DIAPH3: variants seen among roughly 807,000 people sequenced by gnomAD.
The protein encoded by DIAPH3 is diaphanous related formin 3.
Under a neutral mutation model 144.3 loss-of-function variants are expected in DIAPH3, and 117 were observed. The observed-to-expected ratio is 0.81, with a 90% CI of 0.70 to 0.95. DIAPH3 has a LOEUF of 0.95. Ranked by LOEUF, DIAPH3 falls within the 40% of genes least tolerant of loss-of-function variation. DIAPH3 has a pLI of 0.00. For missense variants in DIAPH3, 1,421 were observed against 1,412.7 expected, an observed-to-expected ratio of 1.01 and a Z score of -0.09; for synonymous variants, 519 against 488.9, an observed-to-expected ratio of 1.06 and a Z score of -0.81.
intron 17 of DIAPH3, among the ~76,000 whole-genome samples, chr13:59,938,237 A>T (rs1197311632): frequency 6.6e-6 from 1 of 152,130 alleles, no homozygotes; most frequent in East Asian, 1.9e-4. Context: ...AATTTTTATT[A>T]ATCTGGGCTG....
intron 23 of DIAPH3, among the ~76,000 whole-genome samples, chr13:59,834,832 A>G (rs749604793): frequency 2.0e-5 from 3 of 151,724 alleles, no homozygotes; most frequent in Non-Finnish European, 3.0e-5. Context: ...GTTTTGGGAA[A>G]TCTATTTTGT....
intron 4 of DIAPH3, among the ~76,000 whole-genome samples, chr13:60,052,959 T>TAAAAAAAAAAAAAAAAAA (rs559991017): frequency 4.7e-4 from 19 of 40,632 alleles, no homozygotes; most frequent in Non-Finnish European, 5.2e-4. Flanking sequence ...GACTCCCTCT[T>TAAAAAAAAAAAAAAAAAA]AAAAAAAAAA....
chr13:59,847,484 A>G (rs1213634210), intron 22 of DIAPH3, among the ~76,000 whole-genome samples: 1 of 152,210 alleles, frequency 6.6e-6, no homozygotes, highest in Non-Finnish European at 1.5e-5. Context: ...GCAGCCTTTT[A>G]GAAGAGAAAG....
chr13:60,089,197 A>G, intron 4 of DIAPH3, among the ~76,000 whole-genome samples: 1 of 152,148 alleles, frequency 6.6e-6, no homozygotes, highest in African/African-American at 2.4e-5. Context: ...ATGATGCACC[A>G]TCCCAAAGAG....
At chr13:59,711,886 G>A (rs2034766472) in intron 27 of DIAPH3, among the ~76,000 whole-genome samples, 1 of 152,178 alleles carries the variant, frequency 6.6e-6, no homozygotes, top group Admixed American at 6.5e-5. Flanking sequence ...ATGGCTCAAT[G>A]GACAAAGGAT....
intron 24 of DIAPH3, among the ~76,000 whole-genome samples, chr13:59,830,717 C>A (rs2041729088): frequency 6.6e-6 from 1 of 151,662 alleles, no homozygotes; most frequent in Non-Finnish European, 1.5e-5. Flanking sequence ...CTGCTGTGTC[C>A]AACAGGACTA....
At chr13:59,918,961 A>G (rs1476959759) in intron 18 of DIAPH3, among the ~76,000 whole-genome samples, 1 of 149,026 alleles carries the variant, frequency 6.7e-6, no homozygotes, top group Non-Finnish European at 1.5e-5. Flanking sequence ...AAAAAAAAAA[A>G]ATCAGTATTT....
At chr13:60,053,217 G>A (rs181246265) in intron 4 of DIAPH3, among the ~76,000 whole-genome samples, 3 of 152,040 alleles carry the variant, frequency 2.0e-5, no homozygotes, top group Non-Finnish European at 4.4e-5. Flanking sequence ...CAAAGGAAGA[G>A]GGAAGTACGG....
At chr13:59,772,311 A>G (rs958910518) in intron 27 of DIAPH3, among the ~76,000 whole-genome samples, 6 of 152,082 alleles carry the variant, frequency 3.9e-5, no homozygotes, top group African/African-American at 1.4e-4. Flanking sequence ...GGTCATTTGG[A>G]TTTCTTTCTA....
intron 8 of DIAPH3, among the ~76,000 whole-genome samples, chr13:60,009,789 C>T (rs2053124663): frequency 6.6e-6 from 1 of 152,296 alleles, no homozygotes; most frequent in South Asian, 2.1e-4. Flanking sequence ...CAAACGAACA[C>T]AGGAGGCTCC....
intron 9 of DIAPH3, among the ~76,000 whole-genome samples, chr13:60,005,916 T>A (rs1320726315): frequency 6.6e-6 from 1 of 152,208 alleles, no homozygotes; most frequent in Non-Finnish European, 1.5e-5. Context: ...AGTCTTAATA[T>A]CTTCTATAGA....
At chr13:59,668,803 T>G (rs1254328773) in intron 27 of DIAPH3, among the ~76,000 whole-genome samples, 2 of 150,784 alleles carry the variant, frequency 1.3e-5, no homozygotes, top group East Asian at 3.9e-4. Flanking sequence ...GTAGGCAAAT[T>G]ATTAAAACTA....
chr13:59,718,463 T>A lies in DIAPH3; in HGVS notation c.3320-51617A>T, dbSNP rs566701244. 2.8e-4 allele frequency among the ~76,000 whole-genome samples: 43 copies of A among 152,274 alleles called. 1 individual carries two copies. The South Asian group carries it at 8.9e-3, about 32-fold the overall frequency. On this transcript the variant is annotated intron_variant, in intron 27 of 27. Coordinates refer to ENST00000400324, the MANE Select transcript of DIAPH3 (RefSeq NM_001042517.2). ...TCATTATAAATTATAAACACCAGAA[T>A]GTTACCGGTCTAAATGAAACACACT...
intron 27 of DIAPH3, among the ~76,000 whole-genome samples, chr13:59,700,776 A>G (rs879815758): frequency 6.6e-6 from 1 of 152,182 alleles, no homozygotes; most frequent in Non-Finnish European, 1.5e-5. Flanking sequence ...TATAACGGTA[A>G]GTCTTTATGC....
chr13:60,113,813 C>T (rs753629502), intron 2 of DIAPH3, among the ~76,000 whole-genome samples: 9 of 152,162 alleles, frequency 5.9e-5, no homozygotes, highest in African/African-American at 2.2e-4. Context: ...ATATTGATAG[C>T]TGCATGGGTG....
intron 1 of DIAPH3, among the ~76,000 whole-genome samples, chr13:60,136,696 GA>G (rs1327361979): frequency 2.0e-5 from 3 of 152,110 alleles, no homozygotes; most frequent in Non-Finnish European, 4.4e-5. Context: ...AGCACTTTGG[GA>G]GGCAGAGGCG....
intron 4 of DIAPH3, among the ~76,000 whole-genome samples, chr13:60,056,783 G>A (rs2056576225): frequency 6.6e-6 from 1 of 151,836 alleles, no homozygotes; most frequent in Non-Finnish European, 1.5e-5. Context: ...AAATCTATCT[G>A]GGGGAGTGGG....
chr13:60,119,183 C>A (rs1290453535), intron 2 of DIAPH3, among the ~76,000 whole-genome samples: 1 of 152,158 alleles, frequency 6.6e-6, no homozygotes, highest in Non-Finnish European at 1.5e-5. Flanking sequence ...TTTGCTCCTT[C>A]TTGGGAGTAT....
At chr13:59,871,161 A>G (rs1339877785) in intron 21 of DIAPH3, among the ~76,000 whole-genome samples, 1 of 132,358 alleles carries the variant, frequency 7.6e-6, no homozygotes, top group East Asian at 2.5e-4. Flanking sequence ...ATTGCTTAAC[A>G]GTTCCAGGAG....
Sources: gnomAD v4.1 joint callset for allele counts (sites outside exome capture counted in the v4.1 genomes callset) on GRCh38, gnomAD v4.1.1 for gene constraint, MANE v1.5 for transcripts, NCBI Gene and HGNC (gene_info 2026-07-23, HGNC 2026-07-21) for gene names.